The following CD8B2 variants were observed in gnomAD, a reference collection of about 807,000 sequenced individuals.
The protein encoded by CD8B2 is T-cell surface glycoprotein CD8 beta-2 chain.
A neutral mutation model predicts 23.7 loss-of-function variants in CD8B2; 11 were observed. The ratio of observed to expected loss-of-function variants is 0.46; its 90% CI spans 0.29 to 0.77. The LOEUF (loss-of-function observed/expected upper bound fraction) is 0.77, where lower values mean the gene tolerates loss of function less well. CD8B2 is among the 30% of genes least tolerant of loss of function. The pLI is 0.09. For missense variants in CD8B2, 197 were observed against 270.5 expected, an observed-to-expected ratio of 0.73 and a Z score of 1.91; for synonymous variants, 90 against 109.3, an observed-to-expected ratio of 0.82 and a Z score of 1.10.
chr2:106,518,751 C>T (rs62154014), intron 5 of CD8B2, among the ~76,000 whole-genome samples: 22,386 of 151,626 alleles, frequency 0.15, 1,943 homozygotes, highest in South Asian at 0.25. Flanking sequence ...CTTATCCCTC[C>T]GTCTATCATC....
At chr2:106,511,467 G>A (rs1462348687), downstream of CD8B2, among the ~76,000 whole-genome samples, 2 of 133,084 alleles carry the variant, frequency 1.5e-5, no homozygotes, top group Non-Finnish European at 3.1e-5. Context: ...CTTCCTTTCA[G>A]TGGGAAGTAG....
intron 5 of CD8B2, chr2:106,535,266 C>T (rs1456092345): frequency 6.6e-6 from 1 of 152,188 alleles, no homozygotes; most frequent in Non-Finnish European, 1.5e-5. Context: ...TCAGACACTG[C>T]AACAAGAGCA....
chr2:106,535,561 G>T (rs531748302), intron 5 of CD8B2, among the ~76,000 whole-genome samples: 183 of 152,122 alleles, frequency 1.2e-3, no homozygotes, highest in Admixed American at 3.2e-3. Flanking sequence ...AACATCACCC[G>T]TAATTCCATC....
chr2:106,514,315 T>A (rs1679691691), downstream of CD8B2, among the ~76,000 whole-genome samples: 2 of 146,188 alleles, frequency 1.4e-5, no homozygotes, highest in South Asian at 4.5e-4. Flanking sequence ...TGAGACACAG[T>A]TTTGCTCTGT....
chr2:106,527,656 C>G (rs925398925), intron 5 of CD8B2, among the ~76,000 whole-genome samples: 1 of 152,114 alleles, frequency 6.6e-6, no homozygotes, highest in Non-Finnish European at 1.5e-5. Flanking sequence ...GTGGTAGCAC[C>G]GCCTGTAATC....
At chr2:106,531,828 G>A (rs1477724970) in intron 5 of CD8B2, among the ~76,000 whole-genome samples, 4 of 152,168 alleles carry the variant, frequency 2.6e-5, no homozygotes, top group African/African-American at 9.7e-5. Context: ...ACCTCTCTGG[G>A]GAGCAGAGTG....
At chr2:106,515,580 C>G (rs777857479), downstream of CD8B2, among the ~76,000 whole-genome samples, 54 of 152,180 alleles carry the variant, frequency 3.5e-4, no homozygotes, top group Non-Finnish European at 2.2e-4. Context: ...CCCCATTAGA[C>G]AACAACTGTG....
intron 5 of CD8B2, among the ~76,000 whole-genome samples, chr2:106,524,826 G>T (rs1296856643): frequency 2.0e-5 from 3 of 152,078 alleles, no homozygotes; most frequent in Admixed American, 6.5e-5. Context: ...CTGCACATGG[G>T]AATCCCCTGG....
intron 1 of CD8B2, among the ~76,000 whole-genome samples, chr2:106,489,748 G>A (rs1049173400): frequency 1.2e-4 from 19 of 152,100 alleles, no homozygotes; most frequent in Non-Finnish European, 2.1e-4. Context: ...TGTGTACATG[G>A]CCATACAGTT....
chr2:106,514,061 G>T (rs1333578990), downstream of CD8B2, among the ~76,000 whole-genome samples: 2 of 148,612 alleles, frequency 1.3e-5, no homozygotes, highest in Non-Finnish European at 3.0e-5. Context: ...TGAAGGAGGA[G>T]AGAAGAAAGG....
intron 5 of CD8B2, among the ~76,000 whole-genome samples, chr2:106,519,471 T>C (rs1344933228): frequency 6.6e-6 from 1 of 152,176 alleles, no homozygotes; most frequent in Non-Finnish European, 1.5e-5. Context: ...CGGGGTAATA[T>C]AAGGGAAGCG....
At chr2:106,505,856 T>TG (rs1163441414) in intron 5 of CD8B2, among the ~76,000 whole-genome samples, 14 of 152,154 alleles carry the variant, frequency 9.2e-5, no homozygotes, top group Middle Eastern at 3.2e-3. Context: ...CAAGGCCGGG[T>TG]GCGGTGGCTC....
chr2:106,517,929 T>A (rs1679757355), intron 5 of CD8B2, among the ~76,000 whole-genome samples: 1 of 152,104 alleles, frequency 6.6e-6, no homozygotes, highest in South Asian at 2.1e-4. Context: ...TTAGCCAGGA[T>A]GGTCTCGATC....
chr2:106,521,023 G>GGGGAGAGA (rs368820759), intron 5 of CD8B2, among the ~76,000 whole-genome samples: 2 of 130,418 alleles, frequency 1.5e-5, no homozygotes, highest in African/African-American at 5.8e-5. Flanking sequence ...ATGTTTTAAG[G>GGGGAGAGA]GAGAGAGAGA....
intron 5 of CD8B2, among the ~76,000 whole-genome samples, chr2:106,528,536 G>A (rs534289901): frequency 1.3e-4 from 20 of 152,284 alleles, no homozygotes; most frequent in Non-Finnish European, 2.4e-4. Flanking sequence ...CCTTTTGCAA[G>A]GAGCAAGAGA....
intron 5 of CD8B2, among the ~76,000 whole-genome samples, chr2:106,523,926 C>T (rs371829998): frequency 7.2e-5 from 11 of 152,112 alleles, no homozygotes; most frequent in Middle Eastern, 3.2e-3. Context: ...CCCTTGAGCT[C>T]CATCCGATTA....
downstream of CD8B2, among the ~76,000 whole-genome samples, chr2:106,514,967 G>A (rs1224616891): frequency 2.0e-5 from 3 of 152,238 alleles, no homozygotes; most frequent in Non-Finnish European, 1.5e-5. Context: ...CTGCTGGAAA[G>A]CTTGTGGCCA....
chr2:106,522,941 A>G (rs969817240), intron 5 of CD8B2, among the ~76,000 whole-genome samples: 1 of 152,098 alleles, frequency 6.6e-6, no homozygotes, highest in Non-Finnish European at 1.5e-5. Context: ...GCACCCAGGA[A>G]CTTAGAGACC....
chr2:106,516,284 C>T, intron 5 of CD8B2, among the ~76,000 whole-genome samples: 1 of 152,178 alleles, frequency 6.6e-6, no homozygotes. Context: ...ACCAAAGGTA[C>T]TTACAAATCC....
Sources: gnomAD v4.1 joint callset for allele counts (sites outside exome capture counted in the v4.1 genomes callset) on GRCh38, gnomAD v4.1.1 for gene constraint, MANE v1.5 for transcripts, NCBI Gene and HGNC (gene_info 2026-07-23, HGNC 2026-07-21) for gene names.